CBX5: variants seen among roughly 807,000 people sequenced by gnomAD.
CBX5 encodes the protein chromobox 5.
A neutral mutation model predicts 20.7 loss-of-function variants in CBX5; 7 were observed. The observed-to-expected ratio is 0.34, with a 90% CI of 0.19 to 0.63. The LOEUF (loss-of-function observed/expected upper bound fraction) is 0.63, where lower values mean the gene tolerates loss of function less well. Ranked by LOEUF, CBX5 falls within the 30% of genes least tolerant of loss-of-function variation. CBX5 has a pLI of 0.75. For synonymous variants in CBX5, 78 were observed against 77.0 expected, an observed-to-expected ratio of 1.01 and a Z score of -0.07; for missense variants, 110 against 224.1, an observed-to-expected ratio of 0.49 and a Z score of 3.25.
rs924107909 is a variant in CBX5, at chr12:54,238,623, T to G, written c.*3132A>C. 2.0e-5 allele frequency: 3 copies of G among 152,216 alleles called. No homozygotes were observed. Among genetic ancestry groups the G allele is most frequent in the Admixed American group, 1.3e-4 (2 of 15,286 alleles). 9.4% of individuals were successfully genotyped at this position (152,216 alleles called of 1,614,324 possible). A position where few individuals can be genotyped will look rare whatever the true frequency, so the allele number is the denominator to read the frequency against. ...GGGGGAAAAAAAACTAGATTGTTAT[T>G]TGAAGAAGAAAACATCATGGTTCTC... On this transcript the variant is annotated 3_prime_UTR_variant, in exon 5 of 5. Coordinates refer to ENST00000209875, the MANE Select transcript of CBX5 (RefSeq NM_012117.3).
Position 54,241,539 on chromosome 12 carries a change from T to G in CBX5, c.*216A>C. On this transcript the variant is annotated 3_prime_UTR_variant, in exon 5 of 5. Coordinates refer to ENST00000209875, the MANE Select transcript of CBX5 (RefSeq NM_012117.3). Reference sequence around the variant, plus strand: ...AAAATTGTGGGTATTACACTCAGTATGTAAATGCCTGGTCTTCACAGAGAG... The same window carrying G: ...AAAATTGTGGGTATTACACTCAGTAGGTAAATGCCTGGTCTTCACAGAGAG... The G allele has an allele frequency of 3.8e-6, 2 of 521,096 alleles. No individual in the cohort carries two copies. The highest frequency in any genetic ancestry group is 6.7e-6 in the Non-Finnish European group (2 of 298,718). The allele number at this position is 521,096 out of a possible 1,614,324, so 32.3% of individuals were successfully genotyped here.
intron 1 of CBX5, among the ~76,000 whole-genome samples, chr12:54,269,960 T>C (rs1318668153): frequency 6.6e-6 from 1 of 152,210 alleles, no homozygotes; most frequent in Non-Finnish European, 1.5e-5. Flanking sequence ...AATGTATTCG[T>C]ATCGTTTTTC....
At chr12:54,242,386 G>A (rs1024643137) in intron 4 of CBX5, among the ~76,000 whole-genome samples, 10 of 152,002 alleles carry the variant, frequency 6.6e-5, no homozygotes, top group Admixed American at 5.2e-4. Context: ...TTAGCCGGGC[G>A]TGGTGGCGGG....
rs958413335 is a variant in CBX5, at chr12:54,238,310, A to T, written c.*3445T>A. On this transcript the variant is annotated 3_prime_UTR_variant, in exon 5 of 5. Transcript: ENST00000209875. ...AATCATCCACGGAAGGATGTCAGCC[A>T]TTTAACCAGGGCTACGGATCAAAAA... 9.9e-5 allele frequency: 15 copies of T among 152,266 alleles called. No individual in the cohort carries two copies. Among genetic ancestry groups the T allele is most frequent in the African/African-American group, 3.4e-4 (14 of 41,478 alleles). The allele number at this position is 152,266 out of a possible 1,614,324, so 9.4% of individuals were successfully genotyped here.
intron 1 of CBX5, among the ~76,000 whole-genome samples, chr12:54,279,470 C>T (rs1944107045): frequency 6.6e-6 from 1 of 152,152 alleles, no homozygotes; most frequent in Non-Finnish European, 1.5e-5. Flanking sequence ...TCCACCCTCA[C>T]ACGCCATTAC....
At chr12:54,250,040 T>C (rs945347251) in intron 3 of CBX5, among the ~76,000 whole-genome samples, 3 of 151,846 alleles carry the variant, frequency 2.0e-5, no homozygotes, top group African/African-American at 7.3e-5. Flanking sequence ...CTGACCAACA[T>C]GGAGAAACAC....
In CBX5 at chr12:54,233,357, T is replaced by G. The variant is rs1943587981; in HGVS notation, c.*8398A>C. The G allele has an allele frequency of 6.6e-6, 1 of 152,198 alleles. No individual in the cohort carries two copies. Among genetic ancestry groups the G allele is most frequent in the Admixed American group, 6.5e-5 (1 of 15,278 alleles). The allele number at this position is 152,198 out of a possible 1,614,324, so 9.4% of individuals were successfully genotyped here. On this transcript the variant is annotated 3_prime_UTR_variant, in exon 5 of 5. Coordinates refer to ENST00000209875, the MANE Select transcript of CBX5 (RefSeq NM_012117.3). ...CTGGTAGAAATCATTATGTCTCTTA[T>G]CCTAAACTGAGGAGGTGAGGGGTGA...
At chr12:54,260,230 C>T (rs1378433398) in intron 1 of CBX5, among the ~76,000 whole-genome samples, 1 of 151,252 alleles carries the variant, frequency 6.6e-6, no homozygotes, top group Non-Finnish European at 1.5e-5. Flanking sequence ...GTGGCTCATG[C>T]CTGTAATCCC....
chr12:54,244,273 A>C (rs2137011120), intron 4 of CBX5, among the ~76,000 whole-genome samples: 1 of 151,258 alleles, frequency 6.6e-6, no homozygotes, highest in East Asian at 2.0e-4. Context: ...CGGCCTCCCA[A>C]AGTGCTGGGA....
chr12:54,257,341 G>A (rs1365106051), intron 2 of CBX5, among the ~76,000 whole-genome samples, 173 bp downstream of exon 2: 17 of 152,138 alleles, frequency 1.1e-4, no homozygotes, highest in Non-Finnish European at 2.5e-4. Flanking sequence ...TCATTAGAAC[G>A]TAAGCTCCAC....
At chr12:54,259,806 T>TA (rs1351538247) in intron 1 of CBX5, among the ~76,000 whole-genome samples, 1 of 152,240 alleles carries the variant, frequency 6.6e-6, no homozygotes, top group Non-Finnish European at 1.5e-5. Flanking sequence ...AATTACTTCT[T>TA]AGGTTTTAAA....
intron 4 of CBX5, among the ~76,000 whole-genome samples, chr12:54,244,620 C>T (rs1943714487): frequency 6.6e-6 from 1 of 151,972 alleles, no homozygotes. Context: ...CGCCTGTAAT[C>T]CCAGCTACTT....
chr12:54,273,449 A>T (rs1944029669), intron 1 of CBX5: 1 of 152,182 alleles, frequency 6.6e-6, no homozygotes, highest in African/African-American at 2.4e-5. Flanking sequence ...TCTCAAAATA[A>T]ACATGAATCT....
At chr12:54,256,491 A>G (rs1943864284) in intron 2 of CBX5, among the ~76,000 whole-genome samples, 1 of 152,232 alleles carries the variant, frequency 6.6e-6, no homozygotes, top group African/African-American at 2.4e-5. Context: ...CATAGCCTTT[A>G]TCCAAAAGTA....
intron 1 of CBX5, among the ~76,000 whole-genome samples, chr12:54,263,305 G>A (rs1347033605): frequency 1.3e-5 from 2 of 152,022 alleles, no homozygotes; most frequent in African/African-American, 2.4e-5. Flanking sequence ...AGGTTGCAGT[G>A]AGCCGAGATC....
chr12:54,261,790 A>G (rs1943917523), intron 1 of CBX5, among the ~76,000 whole-genome samples: 1 of 152,236 alleles, frequency 6.6e-6, no homozygotes, highest in African/African-American at 2.4e-5. Flanking sequence ...TAAATTTTCC[A>G]TCTAACCCCG....
chr12:54,274,792 T>G (rs1463323048), intron 1 of CBX5, among the ~76,000 whole-genome samples: 3 of 151,840 alleles, frequency 2.0e-5, no homozygotes. Flanking sequence ...ACAAAAAAAT[T>G]AGCCAGGCAT....
At chr12:54,242,387 T>C (rs1943686004) in intron 4 of CBX5, among the ~76,000 whole-genome samples, 1 of 151,690 alleles carries the variant, frequency 6.6e-6, no homozygotes, top group Non-Finnish European at 1.5e-5. Flanking sequence ...TAGCCGGGCG[T>C]GGTGGCGGGC....
At chr12:54,257,795 C>T in intron 1 of CBX5, 103 bp from the exon 2 acceptor site, 1 of 762,192 alleles carries the variant, frequency 1.3e-6, no homozygotes, top group Non-Finnish European at 2.1e-6. Flanking sequence ...TTGCCATGTG[C>T]CCTGCTCTTG....
Sources: allele counts gnomAD v4.1 joint callset (sites outside exome capture counted in the v4.1 genomes callset), GRCh38; gene constraint gnomAD v4.1.1; transcripts MANE v1.5; gene names NCBI Gene and HGNC (gene_info 2026-07-23, HGNC 2026-07-21).